GPR39: variants seen among roughly 807,000 people sequenced by gnomAD.
GPR39 encodes zinc sensing receptor.
A neutral mutation model predicts 18.4 loss-of-function variants in GPR39; 23 were observed. The ratio of observed to expected loss-of-function variants is 1.25; its 90% CI spans 0.90 to 1.77. GPR39 has a LOEUF of 1.77. GPR39 is among the 40% of genes most tolerant of loss of function. GPR39 has a pLI of 0.00. For synonymous variants in GPR39, 280 were observed against 257.9 expected (o/e 1.09, Z -0.82); for missense variants, 647 against 602.4 (o/e 1.07, Z -0.78).
intron 1 of GPR39, among the ~76,000 whole-genome samples, chr2:132,474,122 GTCAGC>G (rs55908639): frequency 0.67 from 100,772 of 151,534 alleles, 35,740 homozygotes; most frequent in East Asian, 0.86. Flanking sequence ...TGGTATTAGT[GTCAGC>G]TCAGACCCTC....
intron 1 of GPR39, among the ~76,000 whole-genome samples, chr2:132,569,525 G>A (rs540918223): frequency 6.6e-6 from 1 of 152,012 alleles, no homozygotes; most frequent in Admixed American, 6.5e-5. Context: ...TGGGGAGGGG[G>A]GCTGTGGAGC....
chr2:132,546,129 G>C (rs1275773546), intron 1 of GPR39, among the ~76,000 whole-genome samples: 2 of 152,218 alleles, frequency 1.3e-5, no homozygotes, highest in Non-Finnish European at 2.9e-5. Flanking sequence ...AAGAGTTGGT[G>C]AGTGGAGAAA....
chr2:132,458,638 A>G (rs1365760919), intron 1 of GPR39, among the ~76,000 whole-genome samples: 1 of 151,926 alleles, frequency 6.6e-6, no homozygotes, highest in Non-Finnish European at 1.5e-5. Context: ...TTCCTATAAT[A>G]TTGCTTTATA....
chr2:132,525,940 A>C (rs150087312), intron 1 of GPR39, among the ~76,000 whole-genome samples: 18 of 152,290 alleles, frequency 1.2e-4, no homozygotes, highest in Non-Finnish European at 2.5e-4. Flanking sequence ...AACATCTCAC[A>C]AGTGTCTTGG....
chr2:132,602,884 A>AAC (rs142722492), intron 1 of GPR39, among the ~76,000 whole-genome samples: 14 of 151,534 alleles, frequency 9.2e-5, no homozygotes, highest in Admixed American at 2.6e-4. Context: ...AAAAAAAAAA[A>AAC]ACAAATGCTA....
At chr2:132,556,352 T>C (rs183948844) in intron 1 of GPR39, among the ~76,000 whole-genome samples, 43 of 152,262 alleles carry the variant, frequency 2.8e-4, no homozygotes, top group African/African-American at 8.2e-4. Flanking sequence ...GTTTCCATAG[T>C]GTAAATGCTC....
At chr2:132,585,839 C>G (rs1680714986) in intron 1 of GPR39, among the ~76,000 whole-genome samples, 1 of 151,432 alleles carries the variant, frequency 6.6e-6, no homozygotes, top group African/African-American at 2.4e-5. Context: ...TGGTGTCCCT[C>G]GAGGTGAAGG....
chr2:132,614,837 G>A (rs1350474724), intron 1 of GPR39, among the ~76,000 whole-genome samples: 7 of 151,786 alleles, frequency 4.6e-5, no homozygotes, highest in African/African-American at 9.7e-5. Flanking sequence ...CACCATGCCC[G>A]GCCAAGGAGC....
intron 1 of GPR39, among the ~76,000 whole-genome samples, chr2:132,433,528 C>T (rs1476888749): frequency 6.6e-6 from 1 of 151,830 alleles, no homozygotes; most frequent in Non-Finnish European, 1.5e-5. Context: ...GGGACTCATA[C>T]AAAGTGCCAC....
chr2:132,534,732 C>T (rs973776382), intron 1 of GPR39, among the ~76,000 whole-genome samples: 29 of 151,858 alleles, frequency 1.9e-4, no homozygotes, highest in African/African-American at 5.3e-4. Context: ...AGCAAACTAT[C>T]GCAAGGACAA....
At chr2:132,526,461 A>G (rs1260324923) in intron 1 of GPR39, among the ~76,000 whole-genome samples, 1 of 152,190 alleles carries the variant, frequency 6.6e-6, no homozygotes, top group East Asian at 1.9e-4. Flanking sequence ...GGCAGGGCTC[A>G]GCTCAACCTG....
chr2:132,588,333 G>A (rs933856812), intron 1 of GPR39, among the ~76,000 whole-genome samples: 1 of 152,040 alleles, frequency 6.6e-6, no homozygotes, highest in African/African-American at 2.4e-5. Flanking sequence ...GATGGCCAAG[G>A]GTCTTAGTTA....
intron 1 of GPR39, among the ~76,000 whole-genome samples, chr2:132,590,573 A>G (rs1680808431): frequency 6.6e-6 from 1 of 152,054 alleles, no homozygotes; most frequent in Admixed American, 6.5e-5. Context: ...CATTGAGACC[A>G]CAAGGGTAGG....
At chr2:132,618,968 A>C (rs1416245736) in intron 1 of GPR39, among the ~76,000 whole-genome samples, 1 of 152,222 alleles carries the variant, frequency 6.6e-6, no homozygotes, top group Non-Finnish European at 1.5e-5. Context: ...AACTGCCCAC[A>C]GACTTCCTGG....
intron 1 of GPR39, among the ~76,000 whole-genome samples, chr2:132,498,378 G>T (rs970065553): frequency 6.6e-6 from 1 of 152,176 alleles, no homozygotes; most frequent in Non-Finnish European, 1.5e-5. Flanking sequence ...GGAGTCTCCA[G>T]TTCCATTCAG....
At position 132,506,174 on chromosome 2, in the gene GPR39, A is replaced by G. The variant is rs183997551; in HGVS notation, c.856+88276A>G. Among the ~76,000 whole-genome samples the G allele has an allele frequency of 2.8e-4, 42 of 150,028 alleles. No individual in the cohort carries two copies. In the East Asian group the frequency reaches 7.0e-3, roughly 25 times the overall value. ...GTAATGCTGAGCATTTTTTTTTCATATACTTATCAGCCATTTCTATGTTTT... is the reference window on the plus strand; with the variant it reads ...GTAATGCTGAGCATTTTTTTTTCATGTACTTATCAGCCATTTCTATGTTTT... On this transcript the variant is annotated intron_variant, in intron 1 of 1. Coordinates refer to ENST00000329321, the MANE Select transcript of GPR39 (RefSeq NM_001508.3).
chr2:132,555,627 G>A (rs1423750675), intron 1 of GPR39, among the ~76,000 whole-genome samples: 2 of 152,138 alleles, frequency 1.3e-5, no homozygotes, highest in African/African-American at 2.4e-5. Context: ...ATTCAGCTTC[G>A]GAAGTCACTC....
chr2:132,513,751 C>A (rs1433598431), intron 1 of GPR39, among the ~76,000 whole-genome samples: 3 of 152,118 alleles, frequency 2.0e-5, no homozygotes, highest in Non-Finnish European at 4.4e-5. Flanking sequence ...CACTCTGGCC[C>A]CCCGAGTGGG....
rs745438484 is a variant in GPR39, at chr2:132,645,580, A to G, written c.1336A>G (p.Asn446Asp). Residue 446 changes from asparagine (N) to aspartate (D), a missense_variant, in exon 2 of 2, where the codon AAT becomes GAT. Asn to Asp is a conservative substitution (Grantham distance 23). Coordinates refer to ENST00000329321, the MANE Select transcript of GPR39 (RefSeq NM_001508.3). Reference protein sequence around the residue: ...GAKPANSAAENGFQEHEV With the variant: ...GAKPANSAAEDGFQEHEV The stretch of plus-strand genomic sequence containing the variant: ...GAAACCAGCCAATTCTGCTGCAGAG[A>G]ATGGTTTTCAGGAGCATGAAGTTTG... The G allele has an allele frequency of 1.2e-6, 2 of 1,613,782 alleles. No individual in the cohort carries two copies. The highest frequency in any genetic ancestry group is 1.1e-5 in the South Asian group (1 of 91,016).
Sources: allele counts gnomAD v4.1 joint callset (sites outside exome capture counted in the v4.1 genomes callset), GRCh38; gene constraint gnomAD v4.1.1; transcripts MANE v1.5; gene names NCBI Gene and HGNC (gene_info 2026-07-23, HGNC 2026-07-21).